Variants in COTL1 observed in about 807,000 individuals in gnomAD.
COTL1 encodes the protein coactosin-like protein.
In COTL1, 15 loss-of-function variants were observed where a neutral mutation model predicts 16.5. The ratio of observed to expected loss-of-function variants is 0.91; its 90% CI spans 0.61 to 1.40. The LOEUF (loss-of-function observed/expected upper bound fraction) is 1.40. Ranked by LOEUF, COTL1 falls within the 40% of genes most tolerant of loss-of-function variation. COTL1 has a pLI of 0.00. For missense variants in COTL1, 220 were observed against 201.5 expected (o/e 1.09, Z -0.56); for synonymous variants, 112 against 85.3 (o/e 1.31, Z -1.73).
At chr16:84,612,798 C>T (rs577698523) in intron 2 of COTL1, among the ~76,000 whole-genome samples, 1 of 152,182 alleles carries the variant, frequency 6.6e-6, no homozygotes, top group South Asian at 2.1e-4. Context: ...CCAACACACA[C>T]CGTGGCCTGT....
chr16:84,571,488 C>G (rs1409210369), intron 3 of COTL1, among the ~76,000 whole-genome samples: 1 of 152,172 alleles, frequency 6.6e-6, no homozygotes, highest in Admixed American at 6.5e-5. Context: ...GCTCTCCACC[C>G]TTGCACCTGG....
chr16:84,616,794 T>G (rs984242293), intron 2 of COTL1, among the ~76,000 whole-genome samples: 6 of 152,146 alleles, frequency 3.9e-5, no homozygotes, highest in Admixed American at 3.3e-4. Context: ...AAGTATACAG[T>G]CTGATGATTT....
chr16:84,597,033 G>A (rs1048386066), intron 2 of COTL1, among the ~76,000 whole-genome samples: 2 of 152,210 alleles, frequency 1.3e-5, no homozygotes, highest in East Asian at 1.9e-4. Context: ...CATCCCAGCC[G>A]GCTTCCTTCT....
At chr16:84,569,590 A>G (rs1904314095) in intron 3 of COTL1, among the ~76,000 whole-genome samples, 1 of 152,064 alleles carries the variant, frequency 6.6e-6, no homozygotes. Flanking sequence ...CCCTCAGTAT[A>G]TTAACTTTAT....
At chr16:84,612,140 T>G (rs1315544694) in intron 2 of COTL1, among the ~76,000 whole-genome samples, 2 of 152,074 alleles carry the variant, frequency 1.3e-5, no homozygotes, top group African/African-American at 2.4e-5. Flanking sequence ...ATTTATGGAG[T>G]GCTCACTATG....
intron 1 of COTL1, 21 bp from the exon 2 acceptor site, chr16:84,617,604 AAAAC>A: frequency 2.6e-6 from 4 of 1,549,330 alleles, no homozygotes; most frequent in Non-Finnish European, 3.5e-6. Context: ...GGAGAAGAAA[AAAAC>A]ACACACACAC....
In COTL1 at chr16:84,590,334, C is replaced by T. The variant is rs560746023; in HGVS notation, c.161-72G>A. 1.8e-3 allele frequency: 2,750 copies of T among 1,556,016 alleles called. 59 individuals are homozygous for T. The South Asian group carries it at 0.025, about 14-fold the overall frequency. On this transcript the variant is annotated intron_variant, in intron 2 of 3. Coordinates refer to ENST00000262428, the MANE Select transcript of COTL1 (RefSeq NM_021149.5). The surrounding 1 kb of genome is among the most constrained non-coding windows in gnomAD (Gnocchi z 5.5). ...CCCATGTCATGTCCCTGGGGAGAGG[C>T]TGTGAGCCACGAGTGCGCCTGGAGC...
At chr16:84,612,864 G>A (rs970877477) in intron 2 of COTL1, among the ~76,000 whole-genome samples, 2 of 152,164 alleles carry the variant, frequency 1.3e-5, no homozygotes, top group Admixed American at 6.5e-5. Flanking sequence ...CTCAGAGGTA[G>A]GCATGTCAGG....
chr16:84,569,231 G>A (rs1221040239), intron 3 of COTL1: 1 of 152,298 alleles, frequency 6.6e-6, no homozygotes, highest in Non-Finnish European at 1.5e-5. Context: ...TGAGGCAGGA[G>A]AATCGCTTGA....
At chr16:84,611,162 G>A (rs1567541096) in intron 2 of COTL1, among the ~76,000 whole-genome samples, 2 of 152,176 alleles carry the variant, frequency 1.3e-5, no homozygotes, top group South Asian at 2.1e-4. Flanking sequence ...CAAGGCTATC[G>A]TTCAAAGCAA....
chr16:84,598,653 C>G (rs933055609), intron 2 of COTL1, among the ~76,000 whole-genome samples: 5 of 44,660 alleles, frequency 1.1e-4, no homozygotes, highest in South Asian at 1.0e-3. Flanking sequence ...CCTTCTCCCC[C>G]CCAACCCCCC....
intron 3 of COTL1, among the ~76,000 whole-genome samples, chr16:84,579,556 G>A (rs1184239803): frequency 6.6e-6 from 1 of 152,232 alleles, no homozygotes; most frequent in Non-Finnish European, 1.5e-5. Flanking sequence ...CTATATCTCT[G>A]CTCTGCTAAA....
rs1279958591 is a variant in COTL1, at chr16:84,617,852, G to A, written c.63C>T (p.Gly21=). Residue 21 remains glycine (G), a synonymous_variant, in exon 1 of 4, where the codon GGC becomes GGT. Transcript: ENST00000262428. ...AAAGTTCCTACCAGATGACGGCCGA[G>A]CCGTCGTCGCGCACCAGGTTGTACG... The part of the protein sequence containing the change: ...RAAYNLVRDD[G]SAVIWVTFKY... 6.3e-7 allele frequency: 1 copy of A among 1,574,924 alleles called. No homozygotes were observed. Among genetic ancestry groups the A allele is most frequent in the East Asian group, 2.3e-5 (1 of 42,726 alleles).
At position 84,617,945 on chromosome 16, in the gene COTL1, GGGC is replaced by G; in HGVS notation, c.-34_-32del. 6.6e-7 allele frequency: 1 copy of G among 1,509,852 alleles called. No individual in the cohort carries two copies. The highest frequency in any genetic ancestry group is 8.9e-7 in the Non-Finnish European group (1 of 1,127,496). 93.5% of individuals were successfully genotyped at this position (1,509,852 alleles called of 1,614,324 possible). On this transcript the variant is annotated 5_prime_UTR_variant, in exon 1 of 4. Transcript: ENST00000262428. ...CGGAGCCGCAGCGGGACACTGTCCG[GGGC>G]GGCCGAGCGCGCCCCTGGCCGGCGG...
At position 84,566,767 on chromosome 16, in the gene COTL1, G is replaced by A. The variant is rs1001851423; in HGVS notation, c.*78C>T. On this transcript the variant is annotated 3_prime_UTR_variant, in exon 4 of 4. Transcript: ENST00000262428. ...TTCTCCCTGGTGGGCTGGTGGGCTA[G>A]TAGCTGAGGCCGGCGGTCCTCTCCC... 3.6e-5 allele frequency: 35 copies of A among 963,420 alleles called. No homozygotes were observed. In the African/African-American group the frequency reaches 5.0e-4, roughly 14 times the overall value. The allele number at this position is 963,420 out of a possible 1,614,324, so 59.7% of individuals were successfully genotyped here.
intron 2 of COTL1, among the ~76,000 whole-genome samples, chr16:84,597,908 TACTG>T (rs147537693): frequency 1.3e-5 from 2 of 152,250 alleles, no homozygotes; most frequent in African/African-American, 4.8e-5. Flanking sequence ...GCAAGAGAGC[TACTG>T]ACTATCAGCC....
intron 2 of COTL1, among the ~76,000 whole-genome samples, chr16:84,591,479 C>T (rs1319796431): frequency 6.9e-6 from 1 of 143,894 alleles, no homozygotes; most frequent in Admixed American, 7.0e-5. Flanking sequence ...CCACCGCGCC[C>T]AGCCTGATTT....
intron 2 of COTL1, among the ~76,000 whole-genome samples, chr16:84,613,691 G>A (rs899423840): frequency 8.5e-5 from 13 of 152,208 alleles, no homozygotes; most frequent in African/African-American, 2.7e-4. Flanking sequence ...GAAGATTAAG[G>A]GCAAATAGAC....
intron 3 of COTL1, chr16:84,576,871 G>C (rs1904464913): frequency 6.6e-6 from 1 of 152,292 alleles, no homozygotes; most frequent in Non-Finnish European, 1.5e-5. Context: ...GTGGGGACTA[G>C]AATCTCCCCT....
Sources: gnomAD v4.1 joint callset for allele counts (sites outside exome capture counted in the v4.1 genomes callset) on GRCh38, gnomAD v4.1.1 for gene constraint, Gnocchi (gnomAD v3.1) non-coding constraint, MANE v1.5 for transcripts, NCBI Gene and HGNC (gene_info 2026-07-23, HGNC 2026-07-21) for gene names.